GREB1: variants seen among roughly 807,000 people sequenced by gnomAD.
GREB1 encodes growth regulating estrogen receptor binding 1.
A neutral mutation model predicts 200.7 loss-of-function variants in GREB1; 106 were observed. The ratio of observed to expected loss-of-function variants is 0.53; its 90% CI spans 0.45 to 0.62. The LOEUF (loss-of-function observed/expected upper bound fraction) is 0.62. GREB1 is among the 20% of genes least tolerant of loss of function. GREB1 has a pLI of 0.00. For synonymous variants in GREB1, 1,132 were observed against 1,092.4 expected (o/e 1.04, Z -0.72); for missense variants, 2,243 against 2,556.8 (o/e 0.88, Z 2.65).
chr2:11,535,692 G>A (rs568894177), intron 1 of GREB1, among the ~76,000 whole-genome samples: 3 of 152,280 alleles, frequency 2.0e-5, no homozygotes, highest in Non-Finnish European at 4.4e-5. Flanking sequence ...GGTGATTCAA[G>A]GGGAGAGGCT....
chr2:11,608,823 T>C (rs571714102), intron 17 of GREB1, among the ~76,000 whole-genome samples: 7 of 152,334 alleles, frequency 4.6e-5, no homozygotes, highest in African/African-American at 1.7e-4. Flanking sequence ...ATATGTGCAC[T>C]GCTCATATCA....
At chr2:11,511,132 T>C (rs1157777371) in intron 1 of GREB1, among the ~76,000 whole-genome samples, 5 of 152,198 alleles carry the variant, frequency 3.3e-5, no homozygotes, top group Admixed American at 3.3e-4. Context: ...GGCGTCAGGC[T>C]CACTTCCTCC....
intron 1 of GREB1, among the ~76,000 whole-genome samples, chr2:11,525,835 C>T (rs1673854722): frequency 6.6e-6 from 1 of 152,190 alleles, no homozygotes; most frequent in Admixed American, 6.5e-5. Flanking sequence ...GCTGTGAACT[C>T]ACCTCCTGCC....
chr2:11,501,127 C>A lies in GREB1; in HGVS notation c.-159+18746C>A, dbSNP rs901558206. 2.6e-5 allele frequency among the ~76,000 whole-genome samples: 4 copies of A among 152,170 alleles called. No homozygotes were observed. The East Asian group carries it at 5.8e-4, about 22-fold the overall frequency. The stretch of plus-strand genomic sequence containing the variant: ...TCCATCATCTGGGCACCCATGGGAC[C>A]TGAACTGAGTACTGCAGCTTCGGCC... On this transcript the variant is annotated intron_variant, in intron 1 of 2. Coordinates refer to the GREB1 transcript ENST00000628795.
chr2:11,543,523 AGG>A (rs1674956750), intron 1 of GREB1, among the ~76,000 whole-genome samples: 1 of 152,222 alleles, frequency 6.6e-6, no homozygotes, highest in Admixed American at 6.5e-5. Flanking sequence ...AACTTGCCCA[AGG>A]TCACACAGCT....
chr2:11,627,720 G>T (rs1684582653), intron 25 of GREB1, among the ~76,000 whole-genome samples: 1 of 152,210 alleles, frequency 6.6e-6, no homozygotes, highest in African/African-American at 2.4e-5. Flanking sequence ...GGCTCTGGCT[G>T]CCTCAGGCCC....
rs574472907 is a variant in GREB1, at chr2:11,548,020, CA to C, written c.-161-8427del. On this transcript the variant is annotated intron_variant, in intron 1 of 32. Coordinates refer to ENST00000381486, the MANE Select transcript of GREB1 (RefSeq NM_014668.4). This position sits in a 1 kb window ranked among gnomAD's most constrained non-coding sequence, Gnocchi z 5.1. Reference sequence around the variant, plus strand: ...AACCTAGCAAGACCTCTGTCCTTACCAAAAAAAGCTATCTGGGCATGGTGGC... The same window carrying C: ...AACCTAGCAAGACCTCTGTCCTTACCAAAAAAGCTATCTGGGCATGGTGGC... Among the ~76,000 whole-genome samples the C allele has an allele frequency of 6.6e-6, 1 of 151,772 alleles. No homozygotes were observed. The highest frequency in any genetic ancestry group is 2.1e-4 in the South Asian group (1 of 4,804).
intron 25 of GREB1, among the ~76,000 whole-genome samples, chr2:11,627,465 C>T (rs1324961993): frequency 1.3e-5 from 2 of 152,220 alleles, no homozygotes; most frequent in Non-Finnish European, 2.9e-5. Flanking sequence ...CCCCATCCTC[C>T]ATGCTCAGTC....
At chr2:11,579,143 G>A (rs1314893061) in intron 6 of GREB1, among the ~76,000 whole-genome samples, 3 of 152,210 alleles carry the variant, frequency 2.0e-5, no homozygotes, top group Non-Finnish European at 1.5e-5. Context: ...GCCCTGGGAG[G>A]GAGCCAGTGC....
At chr2:11,497,007 G>A (rs1261098288) in intron 1 of GREB1, among the ~76,000 whole-genome samples, 1 of 152,108 alleles carries the variant, frequency 6.6e-6, no homozygotes. Flanking sequence ...TTGTTGCCCA[G>A]GCTGGTCTTG....
At chr2:11,569,580 T>G (rs1256950618) in intron 4 of GREB1, among the ~76,000 whole-genome samples, 1 of 152,208 alleles carries the variant, frequency 6.6e-6, no homozygotes, top group Non-Finnish European at 1.5e-5. Flanking sequence ...CAAGCACTAA[T>G]AGCAGTCGGC....
intron 2 of GREB1, among the ~76,000 whole-genome samples, chr2:11,558,840 A>G (rs1676693806): frequency 6.6e-6 from 1 of 152,018 alleles, no homozygotes; most frequent in Non-Finnish European, 1.5e-5. Flanking sequence ...TATACTGAAC[A>G]CCCCTTGATC....
chr2:11,640,582 C>A lies in GREB1; in HGVS notation c.*128C>A, dbSNP rs1685748539. On this transcript the variant is annotated 3_prime_UTR_variant, in exon 33 of 33. Transcript: ENST00000381486. This position sits in a 1 kb window ranked among gnomAD's most constrained non-coding sequence, Gnocchi z 4.6. Reference sequence around the variant, plus strand: ...CCCCAGGGACTGTCCAGGTGCAGCCCCTCCTAGTACACATGGGCCCCCGAG... The same window carrying A: ...CCCCAGGGACTGTCCAGGTGCAGCCACTCCTAGTACACATGGGCCCCCGAG... 9.5e-7 allele frequency: 1 copy of A among 1,049,768 alleles called. No homozygotes were observed. The highest frequency in any genetic ancestry group is 2.3e-5 in the Admixed American group (1 of 42,668). The allele number at this position is 1,049,768 out of a possible 1,614,324, so 65.0% of individuals were successfully genotyped here. A position where few individuals can be genotyped will look rare whatever the true frequency, so the allele number is the denominator to read the frequency against.
Position 11,556,710 on chromosome 2 carries a change from G to A in GREB1, c.96G>A (p.Val32=). The A allele has an allele frequency of 6.2e-7, 1 of 1,614,088 alleles. No homozygotes were observed. Among genetic ancestry groups the A allele is most frequent in the African/African-American group, 1.3e-5 (1 of 75,050 alleles). Reference sequence around the variant, plus strand: ...CATCCCTGCGGTCCAACAACCTGGTGCCCAGGCCCATCTTTTCCCAGCTGT... The same window carrying A: ...CATCCCTGCGGTCCAACAACCTGGTACCCAGGCCCATCTTTTCCCAGCTGT... ...IEASLRSNNL[V]PRPIFSQLYL... is the part of the protein sequence containing the mutation. The change falls in exon 2 of 33, where the codon GTG becomes GTA. Residue 32 remains valine, a synonymous_variant. Transcript: ENST00000381486.
chr2:11,539,459 G>A (rs948076483), intron 1 of GREB1, among the ~76,000 whole-genome samples: 5 of 152,132 alleles, frequency 3.3e-5, no homozygotes, highest in Admixed American at 1.3e-4. Context: ...GCACGTGCTC[G>A]CTTATGTGGC....
chr2:11,636,816 A>G (rs776902591), intron 30 of GREB1, among the ~76,000 whole-genome samples: 16,861 of 111,836 alleles, frequency 0.15, 1,442 homozygotes, highest in Middle Eastern at 0.23. Flanking sequence ...GCAGGGACAG[A>G]GGCAGGGGCA....
In GREB1 at chr2:11,607,595, T is replaced by TATATATACAGATAC. The variant is rs1682498609; in HGVS notation, c.2667-3084_2667-3083insGATACATATATACA. Among the ~76,000 whole-genome samples the TATATATACAGATAC allele has an allele frequency of 1.5e-5, 2 of 136,478 alleles. 1 individual carries two copies. Among genetic ancestry groups the TATATATACAGATAC allele is most frequent in the Admixed American group, 1.4e-4 (2 of 13,906 alleles). The allele number at this position is 136,478 out of a possible 152,430, so 89.5% of individuals were successfully genotyped here. On this transcript the variant is annotated intron_variant, in intron 17 of 32. Transcript: ENST00000381486. ...ATATACACATATATACATATATACA[T>TATATATACAGATAC]ATATATACATATATACACATATATG... is the stretch of plus-strand genomic sequence containing the variant.
At position 11,640,461 on chromosome 2, in the gene GREB1, C is replaced by G. The variant is rs1245241804; in HGVS notation, c.*7C>G. On this transcript the variant is annotated 3_prime_UTR_variant, in exon 33 of 33. Transcript: ENST00000381486. This position sits in a 1 kb window ranked among gnomAD's most constrained non-coding sequence, Gnocchi z 4.6. The stretch of plus-strand genomic sequence containing the variant: ...GACGGGACGACACATCTGAGGAAGA[C>G]AGCGGCGAGTTTTCTGAAGAGATGA... The G allele has an allele frequency of 1.9e-6, 3 of 1,613,738 alleles. No homozygotes were observed. The highest frequency in any genetic ancestry group is 4.5e-5 in the East Asian group (2 of 44,850).
chr2:11,600,764 T>C (rs554549299), intron 15 of GREB1, 36 bp from the exon 16 acceptor site: 7 of 1,545,826 alleles, frequency 4.5e-6, no homozygotes, highest in Non-Finnish European at 6.3e-6. Context: ...GAAAACAATA[T>C]AGTAATTCCA....
Sources: gnomAD v4.1 joint callset for allele counts (sites outside exome capture counted in the v4.1 genomes callset) on GRCh38, gnomAD v4.1.1 for gene constraint, Gnocchi (gnomAD v3.1) non-coding constraint, MANE v1.5 for transcripts, NCBI Gene and HGNC (gene_info 2026-07-23, HGNC 2026-07-21) for gene names.